AGBL4: variants seen among roughly 807,000 people sequenced by gnomAD.
AGBL4 encodes the protein cytosolic carboxypeptidase 6.
A neutral mutation model predicts 66.4 loss-of-function variants in AGBL4; 58 were observed. That is an observed-to-expected ratio of 0.87 (90% CI 0.71 to 1.09). AGBL4 has a LOEUF of 1.09. Ranked by LOEUF, AGBL4 falls within the 50% of genes least tolerant of loss-of-function variation. The probability of loss-of-function intolerance (pLI) is 0.00; values close to 1 mark genes in which losing one functional copy is unlikely to be tolerated. For synonymous variants in AGBL4, 234 were observed against 222.9 expected (o/e 1.05, Z -0.44); for missense variants, 579 against 631.0 (o/e 0.92, Z 0.88).
intron 4 of AGBL4, among the ~76,000 whole-genome samples, chr1:49,213,926 G>GC (rs904029621): frequency 3.3e-5 from 5 of 151,970 alleles, no homozygotes; most frequent in Non-Finnish European, 4.4e-5. Flanking sequence ...AGTTCCTGTG[G>GC]CCCCCCAACC....
At chr1:48,741,175 G>T (rs1473369825) in intron 6 of AGBL4, among the ~76,000 whole-genome samples, 2 of 152,182 alleles carry the variant, frequency 1.3e-5, no homozygotes, top group Non-Finnish European at 2.9e-5. Flanking sequence ...TCCACAATGT[G>T]TTCATGACTA....
chr1:49,372,982 C>T (rs1557879171), intron 3 of AGBL4, among the ~76,000 whole-genome samples: 1 of 152,016 alleles, frequency 6.6e-6, no homozygotes, highest in Non-Finnish European at 1.5e-5. Flanking sequence ...TGGTTTTGAA[C>T]TCCGGGGCTC....
At chr1:49,811,695 T>A (rs952131150) in intron 2 of AGBL4, among the ~76,000 whole-genome samples, 2 of 152,072 alleles carry the variant, frequency 1.3e-5, no homozygotes, top group Non-Finnish European at 2.9e-5. Flanking sequence ...GCTCAAGCAA[T>A]CCTCCTGCAT....
chr1:48,566,063 T>G (rs536117100), intron 11 of AGBL4, among the ~76,000 whole-genome samples: 90 of 152,342 alleles, frequency 5.9e-4, no homozygotes, highest in Non-Finnish European at 1.1e-3. Flanking sequence ...CATGTTACTC[T>G]CCTGCTCAAG....
At chr1:49,995,027 G>A (rs1660258277) in intron 1 of AGBL4, 1 of 427,024 alleles carries the variant, frequency 2.3e-6, no homozygotes, top group Non-Finnish European at 4.7e-6. Flanking sequence ...CTTTGTCTCA[G>A]AGGGGTCCAT....
At chr1:49,832,800 G>C (rs1645729548) in intron 2 of AGBL4, among the ~76,000 whole-genome samples, 1 of 152,136 alleles carries the variant, frequency 6.6e-6, no homozygotes, top group Non-Finnish European at 1.5e-5. Flanking sequence ...GTCTTCTTTT[G>C]AGAAGTGTCT....
chr1:49,182,624 A>G (rs1646949135), intron 4 of AGBL4, among the ~76,000 whole-genome samples: 1 of 152,096 alleles, frequency 6.6e-6, no homozygotes, highest in Non-Finnish European at 1.5e-5. Context: ...TAGAAAGATT[A>G]TTTTTATTCA....
rs1345146165 is a variant in AGBL4, at chr1:49,151,280, A to AT, written c.377+94489_377+94490insA. On this transcript the variant is annotated intron_variant, in intron 4 of 13. Transcript: ENST00000371839. ...CAAGACTCCGTCTCAAAAAAAAAAAAAATATATATATATATATATGTATAT... is the reference window on the plus strand; with the variant it reads ...CAAGACTCCGTCTCAAAAAAAAAAAATAATATATATATATATATATGTATAT... 6.7e-4 allele frequency among the ~76,000 whole-genome samples: 98 copies of AT among 147,316 alleles called. 1 individual carries two copies. Among genetic ancestry groups the AT allele is most frequent in the African/African-American group, 2.3e-3 (93 of 40,196 alleles).
At chr1:49,759,629 G>A (rs1464042241) in intron 2 of AGBL4, among the ~76,000 whole-genome samples, 1 of 152,180 alleles carries the variant, frequency 6.6e-6, no homozygotes, top group Non-Finnish European at 1.5e-5. Flanking sequence ...GAAATTGGGA[G>A]TAGGTATACA....
chr1:49,021,499 C>G (rs1386825521), intron 5 of AGBL4, among the ~76,000 whole-genome samples: 1 of 151,922 alleles, frequency 6.6e-6, no homozygotes, highest in Admixed American at 6.6e-5. Context: ...TAAAAGGAAC[C>G]AAAAAGACTA....
At chr1:48,536,824 G>A (rs1272611968) in intron 12 of AGBL4, among the ~76,000 whole-genome samples, 3 of 152,112 alleles carry the variant, frequency 2.0e-5, no homozygotes, top group Non-Finnish European at 4.4e-5. Context: ...TTGGGCTTGC[G>A]ACTATACCAC....
chr1:48,621,048 G>A (rs1178332784), intron 9 of AGBL4, among the ~76,000 whole-genome samples: 3 of 152,134 alleles, frequency 2.0e-5, no homozygotes, highest in African/African-American at 7.2e-5. Flanking sequence ...GTGCTGGGAG[G>A]CCAAAGACTT....
At chr1:49,960,388 T>G (rs1318987767) in intron 1 of AGBL4, among the ~76,000 whole-genome samples, 1 of 151,924 alleles carries the variant, frequency 6.6e-6, no homozygotes, top group East Asian at 1.9e-4. Flanking sequence ...AGAAGAAAAG[T>G]AGAACAGAAG....
chr1:49,617,738 C>T (rs918514333), intron 3 of AGBL4, among the ~76,000 whole-genome samples: 14 of 152,126 alleles, frequency 9.2e-5, no homozygotes, highest in African/African-American at 3.4e-4. Flanking sequence ...AATGTAGCTA[C>T]AGGTACAGAT....
chr1:49,838,246 A>T (rs1427811564), intron 2 of AGBL4, among the ~76,000 whole-genome samples: 2 of 152,222 alleles, frequency 1.3e-5, no homozygotes, highest in Non-Finnish European at 2.9e-5. Context: ...AACAATGATG[A>T]TATCACAAGA....
intron 3 of AGBL4, chr1:49,266,104 C>T (rs1406091897): frequency 6.6e-6 from 1 of 152,070 alleles, no homozygotes; most frequent in Admixed American, 6.6e-5. Flanking sequence ...TTAGCTGCAC[C>T]TGTGTCTTGT....
At chr1:49,756,235 A>C (rs2147850851) in intron 2 of AGBL4, among the ~76,000 whole-genome samples, 1 of 152,194 alleles carries the variant, frequency 6.6e-6, no homozygotes, top group African/African-American at 2.4e-5. Flanking sequence ...TATAGATATA[A>C]CCACGCAGAT....
chr1:48,753,013 G>A (rs1297846887), intron 6 of AGBL4, among the ~76,000 whole-genome samples: 1 of 152,190 alleles, frequency 6.6e-6, no homozygotes, highest in Admixed American at 6.5e-5. Flanking sequence ...CTCCCAAAGT[G>A]CTGGGATTAC....
chr1:48,771,018 T>C (rs1160284841), intron 6 of AGBL4, among the ~76,000 whole-genome samples: 1 of 152,184 alleles, frequency 6.6e-6, no homozygotes, highest in Non-Finnish European at 1.5e-5. Flanking sequence ...AACAAAAATC[T>C]CTATCTCACA....
Sources: allele counts gnomAD v4.1 joint callset (sites outside exome capture counted in the v4.1 genomes callset), GRCh38; gene constraint gnomAD v4.1.1; transcripts MANE v1.5; gene names NCBI Gene and HGNC (gene_info 2026-07-23, HGNC 2026-07-21).